CSMD1: variants seen among roughly 807,000 people sequenced by gnomAD.
CSMD1 encodes the protein CUB and sushi domain-containing protein 1.
Under a neutral mutation model 417.5 loss-of-function variants are expected in CSMD1, and 213 were observed. The observed-to-expected ratio is 0.51, with a 90% CI of 0.46 to 0.57. The LOEUF is 0.57. Ranked by LOEUF, CSMD1 falls within the 20% of genes least tolerant of loss-of-function variation. The pLI is 0.00. For synonymous variants in CSMD1, 2,862 were observed against 1,736.8 expected (o/e 1.65, Z -16.11); for missense variants, 6,923 against 4,529.7 (o/e 1.53, Z -15.17).
intron 2 of CSMD1, among the ~76,000 whole-genome samples, chr8:4,616,470 G>A (rs1225444493): frequency 6.6e-6 from 1 of 152,118 alleles, no homozygotes; most frequent in Non-Finnish European, 1.5e-5. Context: ...TTTAAAGCTG[G>A]TTATAAATTA....
In CSMD1 at chr8:4,566,110, T is replaced by C. The variant is rs117444184; in HGVS notation, c.302+71232A>G. 4.9e-4 allele frequency among the ~76,000 whole-genome samples: 74 copies of C among 152,200 alleles called. No individual in the cohort carries two copies. The East Asian group carries it at 0.013, about 28-fold the overall frequency. On this transcript the variant is annotated intron_variant, in intron 2 of 69. Coordinates refer to ENST00000635120, the MANE Select transcript of CSMD1 (RefSeq NM_033225.6). ...AATGCAGTTATCCAGAATTGTACTT[T>C]CCAGGAATATACATCACATGATGTG... is the stretch of plus-strand genomic sequence containing the variant.
At chr8:3,998,816 G>A (rs529319568) in intron 4 of CSMD1, among the ~76,000 whole-genome samples, 36 of 150,910 alleles carry the variant, frequency 2.4e-4, no homozygotes, top group Non-Finnish European at 4.9e-4. Context: ...AAGCTTCTTT[G>A]TTACATTTAT....
chr8:4,146,909 G>T (rs956911326), intron 3 of CSMD1, among the ~76,000 whole-genome samples: 1 of 151,654 alleles, frequency 6.6e-6, no homozygotes, highest in Admixed American at 6.6e-5. Flanking sequence ...CACCGCACCG[G>T]CCAGACACAC....
chr8:4,798,285 G>C (rs1168047147), intron 1 of CSMD1, among the ~76,000 whole-genome samples: 2 of 152,282 alleles, frequency 1.3e-5, no homozygotes, highest in African/African-American at 4.8e-5. Flanking sequence ...CCTTGCGCTA[G>C]TTTGCTGAGA....
At chr8:4,795,770 G>A (rs926689347) in intron 1 of CSMD1, among the ~76,000 whole-genome samples, 25 of 152,000 alleles carry the variant, frequency 1.6e-4, no homozygotes, top group Admixed American at 3.9e-4. Flanking sequence ...ACCTGTGCAC[G>A]CCTTCAGGTA....
rs1373208252 is a variant in CSMD1 at position 3,367,278 on chromosome 8, A to G, written c.2900-31T>C. On this transcript the variant is annotated intron_variant, in intron 19 of 69. Transcript: ENST00000635120. ...AAATGAAGCCGGGGGAGAGAGAGAGAGACAGAGAGAGACACACGGGGCGGC... is the reference window on the plus strand; with the variant it reads ...AAATGAAGCCGGGGGAGAGAGAGAGGGACAGAGAGAGACACACGGGGCGGC... The G allele has an allele frequency of 5.3e-6, 8 of 1,500,782 alleles. No individual in the cohort carries two copies. In the African/African-American group the frequency reaches 1.1e-4, roughly 21 times the overall value. 93.0% of individuals were successfully genotyped at this position (1,500,782 alleles called of 1,614,324 possible). A position where few individuals can be genotyped will look rare whatever the true frequency, so the allele number is the denominator to read the frequency against.
chr8:3,208,252 A>G (rs1797415136), intron 30 of CSMD1, among the ~76,000 whole-genome samples: 1 of 152,148 alleles, frequency 6.6e-6, no homozygotes, highest in Non-Finnish European at 1.5e-5. Context: ...TGATTCCCAA[A>G]TTATTAGCGA....
At chr8:3,062,417 C>T (rs1185879313) in intron 49 of CSMD1, among the ~76,000 whole-genome samples, 3 of 151,826 alleles carry the variant, frequency 2.0e-5, no homozygotes, top group South Asian at 4.2e-4. Flanking sequence ...GAGTAAACAC[C>T]AGCAACAGAA....
At chr8:3,714,556 T>C (rs528181117) in intron 6 of CSMD1, among the ~76,000 whole-genome samples, 2 of 2,348 alleles carry the variant, frequency 8.5e-4, no homozygotes, top group African/African-American at 1.2e-3. Flanking sequence ...ACCCCATCTC[T>C]ATCCCAAAAA....
At chr8:4,925,531 C>G (rs980446007) in intron 1 of CSMD1, among the ~76,000 whole-genome samples, 32 of 81,044 alleles carry the variant, frequency 3.9e-4, no homozygotes, top group African/African-American at 1.3e-3. Flanking sequence ...TTCTGTCTGG[C>G]ATTTTCTTTT....
At chr8:4,732,068 T>A (rs1281661343) in intron 1 of CSMD1, among the ~76,000 whole-genome samples, 1 of 152,064 alleles carries the variant, frequency 6.6e-6, no homozygotes, top group Non-Finnish European at 1.5e-5. Flanking sequence ...ACATCTCTCT[T>A]GCTAATCTTT....
chr8:4,700,537 G>T (rs979143621), intron 1 of CSMD1, among the ~76,000 whole-genome samples: 1 of 152,040 alleles, frequency 6.6e-6, no homozygotes, highest in Admixed American at 6.6e-5. Flanking sequence ...AGAGAGACAA[G>T]ATATTTCAAA....
chr8:3,679,969 G>A (rs535054645), intron 7 of CSMD1, among the ~76,000 whole-genome samples: 1 of 152,242 alleles, frequency 6.6e-6, no homozygotes, highest in South Asian at 2.1e-4. Flanking sequence ...CAGAAATAAA[G>A]ATGTTCTTTG....
intron 54 of CSMD1, among the ~76,000 whole-genome samples, chr8:2,982,591 C>CTCACA (rs1805518604): frequency 6.6e-6 from 1 of 152,150 alleles, no homozygotes; most frequent in South Asian, 2.1e-4. Flanking sequence ...TCACTGTTCC[C>CTCACA]GTGGCATGCC....
At chr8:4,546,503 G>A (rs183712041) in intron 2 of CSMD1, among the ~76,000 whole-genome samples, 6 of 152,266 alleles carry the variant, frequency 3.9e-5, no homozygotes, top group East Asian at 1.9e-4. Flanking sequence ...AAAGATAAAC[G>A]GTGAATTTTC....
intron 5 of CSMD1, among the ~76,000 whole-genome samples, chr8:3,890,503 C>T (rs1423818366): frequency 1.3e-5 from 2 of 151,718 alleles, no homozygotes; most frequent in African/African-American, 2.4e-5. Flanking sequence ...GGCATTGAGG[C>T]ACACTTGCAG....
chr8:4,383,856 CAG>C (rs1803267236), intron 3 of CSMD1, among the ~76,000 whole-genome samples: 1 of 151,902 alleles, frequency 6.6e-6, no homozygotes, highest in African/African-American at 2.4e-5. Flanking sequence ...TGGAAATAAA[CAG>C]AATTTTAAAG....
chr8:4,867,970 C>T (rs79825072), intron 1 of CSMD1, among the ~76,000 whole-genome samples: 11 of 87,104 alleles, frequency 1.3e-4, no homozygotes, highest in African/African-American at 3.9e-4. Context: ...TAGATATTTA[C>T]ACGTTTGTAC....
At chr8:4,608,165 T>A (rs1479679437) in intron 2 of CSMD1, among the ~76,000 whole-genome samples, 2 of 151,728 alleles carry the variant, frequency 1.3e-5, no homozygotes, top group East Asian at 1.9e-4. Flanking sequence ...ACCCTAGGAG[T>A]CTTTTCAGGG....
Sources: gnomAD v4.1 joint callset for allele counts (sites outside exome capture counted in the v4.1 genomes callset) on GRCh38, gnomAD v4.1.1 for gene constraint, MANE v1.5 for transcripts, NCBI Gene and HGNC (gene_info 2026-07-23, HGNC 2026-07-21) for gene names.